MOK: variants seen among roughly 807,000 people sequenced by gnomAD.
MOK encodes MOK protein kinase.
MOK carries 59 observed loss-of-function variants against 54.2 expected under a neutral mutation model. That is an observed-to-expected ratio of 1.09 (90% confidence interval 0.88 to 1.35). The LOEUF is 1.35. Ranked by LOEUF, MOK falls within the 40% of genes most tolerant of loss-of-function variation. The pLI is 0.00. For synonymous variants in MOK, 210 were observed against 202.7 expected, an observed-to-expected ratio of 1.04 and a Z score of -0.31; for missense variants, 517 against 526.2, an observed-to-expected ratio of 0.98 and a Z score of 0.17.
intron 7 of MOK, chr14:102,247,594 A>G (rs942040636): frequency 6.6e-6 from 1 of 152,228 alleles, no homozygotes; most frequent in Non-Finnish European, 1.5e-5. Flanking sequence ...ATCCCTCTCC[A>G]AAGACCTCAC....
downstream of MOK, among the ~76,000 whole-genome samples, chr14:102,227,631 C>A (rs546310578): frequency 2.0e-4 from 31 of 152,008 alleles, no homozygotes; most frequent in Non-Finnish European, 4.1e-4. Flanking sequence ...CCGGTCTGAA[C>A]ATTACGGCAA....
rs1221183527 is a variant in MOK, at chr14:102,230,199, C to T, written c.982-542G>A. ...GCTGGGACCAAAGGCACGCACCACA[C>T]CCAGCTAATTTTTAAAACAGATGGG... On this transcript the variant is annotated intron_variant, in intron 10 of 11. Transcript: ENST00000361847. The surrounding 1 kb of genome is among the most constrained non-coding windows in gnomAD (Gnocchi z 4.1). The T allele has an allele frequency of 6.4e-6, 1 of 156,048 alleles. No homozygotes were observed. Among genetic ancestry groups the T allele is most frequent in the East Asian group, 1.9e-4 (1 of 5,232 alleles). The allele number at this position is 156,048 out of a possible 1,614,324, so 9.7% of individuals were successfully genotyped here.
intron 1 of MOK, among the ~76,000 whole-genome samples, chr14:102,298,031 G>A (rs1355891252): frequency 6.6e-6 from 1 of 152,244 alleles, no homozygotes; most frequent in African/African-American, 2.4e-5. Context: ...CCCTGCTCCA[G>A]GGTGCCCAGT....
At chr14:102,256,053 G>C (rs1567178429) in intron 4 of MOK, among the ~76,000 whole-genome samples, 1 of 152,134 alleles carries the variant, frequency 6.6e-6, no homozygotes, top group African/African-American at 2.4e-5. Context: ...CTCCAGCGAG[G>C]GTGGAGAGAA....
chr14:102,282,806 CTT>C (rs2069588153), intron 2 of MOK, among the ~76,000 whole-genome samples: 1 of 151,932 alleles, frequency 6.6e-6, no homozygotes, highest in African/African-American at 2.4e-5. Context: ...AATCCCAGCA[CTT>C]TGGAAGGCCA....
chr14:102,239,588 C>T (rs1676175347), intron 7 of MOK, among the ~76,000 whole-genome samples: 2 of 152,108 alleles, frequency 1.3e-5, no homozygotes, highest in African/African-American at 4.8e-5. Flanking sequence ...ACCCTTAACC[C>T]GGCTGGGCAC....
intron 4 of MOK, among the ~76,000 whole-genome samples, chr14:102,252,335 A>T (rs1254508404): frequency 2.0e-5 from 3 of 151,950 alleles, no homozygotes; most frequent in Non-Finnish European, 2.9e-5. Context: ...GGTGCCTGTA[A>T]TCTCAGCTAC....
chr14:102,224,510 G>C (rs2064165106), downstream of MOK: 5 of 448,810 alleles, frequency 1.1e-5, no homozygotes, highest in Non-Finnish European at 2.2e-5. Flanking sequence ...TCCTTCGAAA[G>C]CTTTATTTTG....
rs2064833905 is a variant in MOK, at chr14:102,232,606, C to G, written c.795G>C (p.Met265Ile). ...SPQCLSLLHA[M>I]VAYDPDERIA... Reference sequence around the variant, plus strand: ...TTCTCTCATCGGGATCATAGGCCACCATTGCGTGCAGGAGGGAGAGGCATT... The same window carrying G: ...TTCTCTCATCGGGATCATAGGCCACGATTGCGTGCAGGAGGGAGAGGCATT... The change falls in exon 9 of 12, where the codon ATG becomes ATC. Residue 265 changes from methionine to isoleucine, a missense_variant. Physicochemically the swap from Met to Ile is conservative, Grantham distance 10. Coordinates refer to ENST00000361847, the MANE Select transcript of MOK (RefSeq NM_014226.3). The surrounding 1 kb of genome is among the most constrained non-coding windows in gnomAD (Gnocchi z 5.1). 1 of 1,613,930 alleles carries G rather than the reference C, an allele frequency of 6.2e-7. No individual in the cohort carries two copies. The highest frequency in any genetic ancestry group is 2.2e-5 in the East Asian group (1 of 44,896).
intron 1 of MOK, among the ~76,000 whole-genome samples, chr14:102,288,898 T>C (rs2070436213): frequency 6.6e-6 from 1 of 151,130 alleles, no homozygotes; most frequent in South Asian, 2.1e-4. Context: ...TAAGTGCAGC[T>C]TTGTTTTGTT....
At chr14:102,254,131 C>CCCG (rs1341276839) in intron 4 of MOK, among the ~76,000 whole-genome samples, 1 of 152,044 alleles carries the variant, frequency 6.6e-6, no homozygotes, top group Non-Finnish European at 1.5e-5. Context: ...ATTACAGGCA[C>CCCG]CCGCCACCAC....
intron 2 of MOK, among the ~76,000 whole-genome samples, chr14:102,267,780 C>T (rs1289717627): frequency 1.3e-5 from 2 of 152,038 alleles, no homozygotes; most frequent in African/African-American, 4.8e-5. Context: ...CAACTCGCAC[C>T]CCAGGTCCAC....
chr14:102,303,758 G>A (rs1358220006), intron 1 of MOK, among the ~76,000 whole-genome samples: 3 of 152,186 alleles, frequency 2.0e-5, no homozygotes, highest in East Asian at 3.8e-4. Flanking sequence ...AAGGTCCAGT[G>A]AAAATAAATA....
intron 1 of MOK, among the ~76,000 whole-genome samples, chr14:102,293,722 AAAAAG>A (rs1567242891): frequency 4.9e-4 from 72 of 146,322 alleles, no homozygotes; most frequent in East Asian, 3.4e-3. Flanking sequence ...AAAAAAAAAA[AAAAAG>A]AAAAGAAAAG....
chr14:102,289,296 G>T (rs1292078012), intron 1 of MOK, among the ~76,000 whole-genome samples: 1 of 151,978 alleles, frequency 6.6e-6, no homozygotes, highest in African/African-American at 2.4e-5. Flanking sequence ...ATAAGGAACA[G>T]AAATGATACA....
the MOK span, among the ~76,000 whole-genome samples, chr14:102,216,092 C>T: frequency 1.3e-5 from 2 of 152,182 alleles, no homozygotes; most frequent in African/African-American, 4.8e-5. Context: ...GCCTCCAGCA[C>T]GTTCATCGGG....
downstream of MOK, among the ~76,000 whole-genome samples, chr14:102,219,847 C>T (rs1041127058): frequency 3.3e-5 from 5 of 152,188 alleles, no homozygotes; most frequent in Non-Finnish European, 7.3e-5. Flanking sequence ...CTACAGAAGA[C>T]GAGAGGAGGA....
intron 4 of MOK, 127 bp downstream of exon 4, chr14:102,263,418 AC>A: frequency 1.7e-6 from 1 of 600,334 alleles, no homozygotes; most frequent in Non-Finnish European, 2.7e-6. Context: ...GAATGAAGTG[AC>A]CCTGTACTGT....
chr14:102,262,130 C>T (rs1169611687), intron 4 of MOK, among the ~76,000 whole-genome samples: 1 of 151,648 alleles, frequency 6.6e-6, no homozygotes, highest in African/African-American at 2.4e-5. Context: ...CGTGAGCCAC[C>T]GCGCCCAGCC....
Sources: allele counts gnomAD v4.1 joint callset (sites outside exome capture counted in the v4.1 genomes callset), GRCh38; gene constraint gnomAD v4.1.1; non-coding constraint Gnocchi (gnomAD v3.1); transcripts MANE v1.5; gene names NCBI Gene and HGNC (gene_info 2026-07-23, HGNC 2026-07-21).